Variants in NEK10 observed in about 807,000 individuals in gnomAD.
NEK10 encodes the protein serine/threonine-protein kinase Nek10.
A neutral mutation model predicts 159.8 loss-of-function variants in NEK10; 122 were observed. The ratio of observed to expected loss-of-function variants is 0.76; its 90% CI spans 0.66 to 0.89. NEK10 has a LOEUF of 0.89. Ranked by LOEUF, NEK10 falls within the 40% of genes least tolerant of loss-of-function variation. The pLI is 0.00. For synonymous variants in NEK10, 466 were observed against 457.1 expected, an observed-to-expected ratio of 1.02 and a Z score of -0.25; for missense variants, 1,342 against 1,323.1, an observed-to-expected ratio of 1.01 and a Z score of -0.22.
chr3:27,241,017 GT>G (rs1954500704), intron 23 of NEK10, among the ~76,000 whole-genome samples: 1 of 152,076 alleles, frequency 6.6e-6, no homozygotes, highest in Admixed American at 6.6e-5. Context: ...TGTTTGCAAA[GT>G]TGGTACAGGG....
chr3:27,275,378 G>T (rs1413235155), intron 22 of NEK10, among the ~76,000 whole-genome samples: 1 of 152,194 alleles, frequency 6.6e-6, no homozygotes, highest in Admixed American at 6.5e-5. Context: ...CAAGGCAACT[G>T]TGATAACTTG....
intron 11 of NEK10, among the ~76,000 whole-genome samples, chr3:27,307,593 G>A (rs922140647): frequency 1.1e-4 from 16 of 152,138 alleles, no homozygotes; most frequent in Admixed American, 9.2e-4. Context: ...ATAAATAAAT[G>A]CAATAAACAA....
intron 23 of NEK10, among the ~76,000 whole-genome samples, chr3:27,221,038 C>CTA (rs1204405650): frequency 6.6e-6 from 1 of 151,996 alleles, no homozygotes; most frequent in Admixed American, 6.6e-5. Context: ...AGTCATAGAC[C>CTA]TATATATAAG....
intron 30 of NEK10, among the ~76,000 whole-genome samples, chr3:27,142,321 G>A (rs764344773): frequency 5.9e-5 from 9 of 152,062 alleles, no homozygotes; most frequent in Non-Finnish European, 1.2e-4. Flanking sequence ...CTTTTCTCTA[G>A]ATTACCTACA....
intron 5 of NEK10, among the ~76,000 whole-genome samples, chr3:27,331,262 A>AAAAAAAAAAAAAAAAAAACACAC: frequency 3.6e-5 from 4 of 110,142 alleles, no homozygotes; most frequent in African/African-American, 1.2e-4. Flanking sequence ...AAAAAAAAAA[A>AAAAAAAAAAAAAAAAAAACACAC]ACACACAAAC....
chr3:27,360,328 A>G (rs556659198), intron 1 of NEK10, among the ~76,000 whole-genome samples: 23 of 152,338 alleles, frequency 1.5e-4, no homozygotes. Context: ...TCGGTCACAC[A>G]TGAGAAGGCA....
In NEK10 at chr3:27,304,783, C is replaced by A; in HGVS notation, c.992G>T (p.Trp331Leu). 1.9e-6 allele frequency: 3 copies of A among 1,613,862 alleles called. No homozygotes were observed. Among genetic ancestry groups the A allele is most frequent in the Non-Finnish European group, 2.5e-6 (3 of 1,179,788 alleles). Residue 331 changes from tryptophan to leucine, a missense_variant, in exon 12 of 36, where the codon TGG becomes TTG. Coordinates refer to ENST00000691995, the MANE Select transcript of NEK10 (RefSeq NM_001394966.1). ...DPETSVEIRI[W>L]GGIKQLLHIL... ...ATGAAGAAGCTGTTTGATGCCTCCC[C>A]AAATGCGAATTTCCACGCTGGTCTC...
intron 13 of NEK10, among the ~76,000 whole-genome samples, chr3:27,300,521 A>G (rs565311664): frequency 9.2e-5 from 14 of 152,282 alleles, no homozygotes; most frequent in Admixed American, 2.6e-4. Context: ...TAACGTAAAC[A>G]CATCTTAAGT....
At chr3:27,365,742 A>T (rs2049034233) in intron 1 of NEK10, among the ~76,000 whole-genome samples, 1 of 150,464 alleles carries the variant, frequency 6.6e-6, no homozygotes, top group African/African-American at 2.5e-5. Context: ...CCTCCAGAGT[A>T]GCTGGGATTA....
chr3:27,199,486 G>A (rs1293006117), intron 25 of NEK10, among the ~76,000 whole-genome samples: 1 of 152,166 alleles, frequency 6.6e-6, no homozygotes, highest in Non-Finnish European at 1.5e-5. Context: ...AGCGAAAAAG[G>A]AACACTTATG....
At chr3:27,132,062 G>T (rs544929560) in intron 31 of NEK10, 72 bp from the exon 32 acceptor site, 93 of 775,748 alleles carry the variant, frequency 1.2e-4, no homozygotes, top group South Asian at 7.9e-4. Flanking sequence ...AAAAGCATTC[G>T]CTGAGGGCCC....
At chr3:27,167,788 G>T (rs1946614972) in intron 29 of NEK10, among the ~76,000 whole-genome samples, 1 of 152,148 alleles carries the variant, frequency 6.6e-6, no homozygotes, top group South Asian at 2.1e-4. Flanking sequence ...CTTAAAAAAA[G>T]TTTTATCAAC....
chr3:27,342,396 GC>G (rs1283860234), intron 5 of NEK10, among the ~76,000 whole-genome samples: 1 of 152,126 alleles, frequency 6.6e-6, no homozygotes, highest in Non-Finnish European at 1.5e-5. Flanking sequence ...TTATATTTAA[GC>G]CATCTTTTAC....
chr3:27,265,089 C>G (rs1454370268), intron 22 of NEK10, among the ~76,000 whole-genome samples: 2 of 152,008 alleles, frequency 1.3e-5, no homozygotes, highest in African/African-American at 4.8e-5. Context: ...TTTTCTTAAC[C>G]TGATAAAGAG....
intron 30 of NEK10, among the ~76,000 whole-genome samples, chr3:27,142,181 C>T (rs1220964274): frequency 6.6e-6 from 1 of 152,164 alleles, no homozygotes; most frequent in Non-Finnish European, 1.5e-5. Flanking sequence ...CATCATACAG[C>T]CACACCACCT....
At chr3:27,152,868 T>C (rs1183250525) in intron 30 of NEK10, among the ~76,000 whole-genome samples, 2 of 152,096 alleles carry the variant, frequency 1.3e-5, no homozygotes, top group Non-Finnish European at 2.9e-5. Flanking sequence ...GCTATTCTTA[T>C]ATCAGACAAA....
At chr3:27,129,397 T>TC (rs1214125436) in intron 32 of NEK10, among the ~76,000 whole-genome samples, 1 of 152,002 alleles carries the variant, frequency 6.6e-6, no homozygotes, top group Non-Finnish European at 1.5e-5. Flanking sequence ...CACTTACTGC[T>TC]CCTATGGCCC....
chr3:27,349,527 C>T (rs776844790), intron 3 of NEK10, among the ~76,000 whole-genome samples: 11 of 152,174 alleles, frequency 7.2e-5, no homozygotes, highest in Non-Finnish European at 1.2e-4. Context: ...ACCACCATGC[C>T]TTATACGTGT....
At chr3:27,135,505 T>C (rs1429746523) in intron 31 of NEK10, among the ~76,000 whole-genome samples, 1 of 152,234 alleles carries the variant, frequency 6.6e-6, no homozygotes, top group African/African-American at 2.4e-5. Context: ...ATATTAATAT[T>C]GGAAAAGAAT....
Sources: allele counts gnomAD v4.1 joint callset (sites outside exome capture counted in the v4.1 genomes callset), GRCh38; gene constraint gnomAD v4.1.1; transcripts MANE v1.5; gene names NCBI Gene and HGNC (gene_info 2026-07-23, HGNC 2026-07-21).